The following CUL7 variants were observed in gnomAD, a reference collection of about 807,000 sequenced individuals.
The protein encoded by CUL7 is cullin 7, also known as cullin-7.
In CUL7, 96 loss-of-function variants were observed where a neutral mutation model predicts 177.7. The observed-to-expected ratio is 0.54, with a 90% CI of 0.46 to 0.64. The LOEUF is 0.64. Ranked by LOEUF, CUL7 falls within the 30% of genes least tolerant of loss-of-function variation. The probability of loss-of-function intolerance (pLI) is 0.00; values close to 1 mark genes in which losing one functional copy is unlikely to be tolerated. For synonymous variants in CUL7, 824 were observed against 890.2 expected (o/e 0.93, Z 1.32); for missense variants, 1,893 against 2,187.9 (o/e 0.87, Z 2.69).
chr6:43,051,253 G>A lies in CUL7; in HGVS notation c.948C>T (p.Ala316=). The A allele has an allele frequency of 2.5e-6, 4 of 1,613,402 alleles. No individual in the cohort carries two copies. The highest frequency in any genetic ancestry group is 3.4e-6 in the Non-Finnish European group (4 of 1,179,510). ...GTGCTGAGCTCCTTGGTCTGTCTGA[G>A]GCCTGGTCCCAGCGCATGGCTTGCA... is the stretch of plus-strand genomic sequence containing the variant. ...ELVQAMRWDQ[A]SDRPRSSARS... is the part of the protein sequence containing the mutation. The change falls in exon 4 of 26, where the codon GCC becomes GCT. Residue 316 remains alanine (A), a synonymous_variant. Transcript: ENST00000265348. This position sits in a 1 kb window ranked among gnomAD's most constrained non-coding sequence, Gnocchi z 5.0.
chr6:43,048,701 AG>A (rs1413060244), intron 7 of CUL7, 132 bp from the exon 8 acceptor site: 1 of 672,912 alleles, frequency 1.5e-6, no homozygotes, highest in East Asian at 2.7e-5. Context: ...TCCCCCTAAA[AG>A]TTAGGTTTGG....
rs1763613269 is a variant in CUL7, at chr6:43,043,328, T to C, written c.3355+120A>G. 1.6e-5 allele frequency: 20 copies of C among 1,230,598 alleles called. No individual in the cohort carries two copies. Among genetic ancestry groups the C allele is most frequent in the Non-Finnish European group, 2.4e-5 (20 of 845,278 alleles). 76.2% of individuals were successfully genotyped at this position (1,230,598 alleles called of 1,614,324 possible). Reference sequence around the variant, plus strand: ...ATGGAGGTGACACAAACCTGGAAGATGAACAGGCTGAGCCCATAGGGAGGG... The same window carrying C: ...ATGGAGGTGACACAAACCTGGAAGACGAACAGGCTGAGCCCATAGGGAGGG... On this transcript the variant is annotated intron_variant, in intron 17 of 25. Transcript: ENST00000265348. This position sits in a 1 kb window ranked among gnomAD's most constrained non-coding sequence, Gnocchi z 4.2.
chr6:43,037,870 C>T lies in CUL7; in HGVS notation c.4915G>A (p.Asp1639Asn), dbSNP rs771022229. The T allele has an allele frequency of 2.4e-5, 39 of 1,613,614 alleles. No individual in the cohort carries two copies. The highest frequency in any genetic ancestry group is 5.0e-5 in the Admixed American group (3 of 59,968). ...GCATAGGACAGCACCTGGGGCCGGT[C>T]GTCATGGCGTCTCAGCGTGCCCTTG... The part of the protein sequence containing the change: ...LGKGTLRRHD[D>N]RPQVLSYAVP... The change falls in exon 26 of 26, where the codon GAC becomes AAC. Residue 1639 changes from aspartate to asparagine, a missense_variant. Transcript: ENST00000265348.
Position 43,038,674 on chromosome 6 carries a change from G to A in CUL7, c.4459C>T (p.Leu1487=), listed in dbSNP as rs754548634. ...NDLKAVSVES[L]LAFSGLSADM... ...GCGGAGAGCCCTGAGAACGCCAGCA[G>A]ACTCTCCACAGAGACCGCCTTCAGA... is the stretch of plus-strand genomic sequence containing the variant. The change falls in exon 24 of 26, where the codon CTG becomes TTG. Residue 1487 remains leucine (L), a synonymous_variant. Coordinates refer to ENST00000265348, the MANE Select transcript of CUL7 (RefSeq NM_014780.5). 2 of 1,613,986 alleles carry A rather than the reference G, an allele frequency of 1.2e-6. No individual in the cohort carries two copies. The highest frequency in any genetic ancestry group is 4.5e-5 in the East Asian group (2 of 44,898).
Position 43,044,875 on chromosome 6 carries a change from C to G in CUL7, c.3049G>C (p.Ala1017Pro). The G allele has an allele frequency of 6.2e-7, 1 of 1,613,532 alleles. No individual in the cohort carries two copies. The highest frequency in any genetic ancestry group is 8.5e-7 in the Non-Finnish European group (1 of 1,179,554). Residue 1017 changes from alanine (A) to proline (P), a missense_variant, in exon 16 of 26, where the codon GCT becomes CCT. Transcript: ENST00000265348. ...GCAAAATTCTGCTCCTGGCGCAGAG[C>G]ACCGTTGAGTCTGGGGGTGAGAATG... ...LLHLSSRLNG[A>P]LRQEQNFADR...
At position 43,042,820 on chromosome 6, in the gene CUL7, A is replaced by C. The variant is rs765006955; in HGVS notation, c.3627T>G (p.Pro1209=). The change falls in exon 19 of 26, where the codon CCT becomes CCG. Residue 1209 remains proline (P), a synonymous_variant. Coordinates refer to ENST00000265348, the MANE Select transcript of CUL7 (RefSeq NM_014780.5). ...GGCTTACGTGGGCAGCTTTGAGAAA[A>C]GGGAGCTTCAGCAAGGCTCCCGCAC... is the stretch of plus-strand genomic sequence containing the variant. ...NGCAGALLKL[P]FLKAAHVSEQ... 1 of 1,612,878 alleles carries C rather than the reference A, an allele frequency of 6.2e-7. No individual in the cohort carries two copies. Among genetic ancestry groups the C allele is most frequent in the Admixed American group, 1.7e-5 (1 of 59,964 alleles).
rs1256914448 is a variant in CUL7 at position 43,042,867 on chromosome 6, A to G, written c.3580T>C (p.Leu1194=). 1.9e-5 allele frequency: 30 copies of G among 1,613,944 alleles called. No individual in the cohort carries two copies. Among genetic ancestry groups the G allele is most frequent in the Non-Finnish European group, 2.5e-5 (29 of 1,179,972 alleles). The change falls in exon 19 of 26, where the codon TTG becomes CTG. Residue 1194 remains leucine (L), a synonymous_variant. Transcript: ENST00000265348. ...GCACAGCCATTTTGCAGCGCCAGCA[A>G]GAAGGCTGCCCGAGGCCCAAACAGT... The part of the protein sequence containing the change: ...SELFGPRAAF[L]LALQNGCAGA...
Position 43,045,792 on chromosome 6 carries a change from G to T in CUL7, c.2767-110C>A. ...CCTTCCCCAGCCCTGGGATGTGTAG[G>T]GTCCTGACAAAGCTGTCCTCATGCC... is the stretch of plus-strand genomic sequence containing the variant. On this transcript the variant is annotated intron_variant, in intron 13 of 25. Transcript: ENST00000265348. This position sits in a 1 kb window ranked among gnomAD's most constrained non-coding sequence, Gnocchi z 4.8. 1 of 1,320,758 alleles carries T rather than the reference G, an allele frequency of 7.6e-7. No individual in the cohort carries two copies. 81.8% of individuals were successfully genotyped at this position (1,320,758 alleles called of 1,614,324 possible).
At position 43,043,726 on chromosome 6, in the gene CUL7, C is replaced by T. The variant is rs1220811170; in HGVS notation, c.3173-96G>A. The T allele has an allele frequency of 2.2e-5, 18 of 823,720 alleles. No individual in the cohort carries two copies. The highest frequency in any genetic ancestry group is 4.4e-4 in the Middle Eastern group (2 of 4,526). The allele number at this position is 823,720 out of a possible 1,614,324, so 51.0% of individuals were successfully genotyped here. A position where few individuals can be genotyped will look rare whatever the true frequency, so the allele number is the denominator to read the frequency against. On this transcript the variant is annotated intron_variant, in intron 16 of 25. Coordinates refer to ENST00000265348, the MANE Select transcript of CUL7 (RefSeq NM_014780.5). The surrounding 1 kb of genome is among the most constrained non-coding windows in gnomAD (Gnocchi z 4.2). ...GGAGTGTGGAGATAGAGCAACTGGACGGAATGATACAAGGAAGGGGGGCCA... is the reference window on the plus strand; with the variant it reads ...GGAGTGTGGAGATAGAGCAACTGGATGGAATGATACAAGGAAGGGGGGCCA...
In CUL7 at chr6:43,048,137, G is replaced by A. The variant is rs768605576; in HGVS notation, c.2169+11C>T. On this transcript the variant is annotated intron_variant, in intron 9 of 25. Transcript: ENST00000265348. ...CTCCCCCAGCCTCTCCCCAGAGCAG[G>A]GCAGGGGTACCTCTCGATCAGTGTT... is the stretch of plus-strand genomic sequence containing the variant. 1.9e-6 allele frequency: 3 copies of A among 1,580,604 alleles called. No homozygotes were observed. Among genetic ancestry groups the A allele is most frequent in the East Asian group, 2.2e-5 (1 of 44,564 alleles).
chr6:43,049,345 A>G, intron 7 of CUL7, 62 bp downstream of exon 7: 18 of 1,604,860 alleles, frequency 1.1e-5, no homozygotes, highest in Non-Finnish European at 1.5e-5. Flanking sequence ...ATCAGCACAG[A>G]CATCTCTCCT....
At chr6:43,038,244 C>G (rs1763117664) in intron 25 of CUL7, 23 bp downstream of exon 25, 4 of 1,613,148 alleles carry the variant, frequency 2.5e-6, no homozygotes, top group Non-Finnish European at 3.4e-6. Flanking sequence ...GATCTGTCAC[C>G]CATTGTGCCC....
chr6:43,041,025 C>G lies in CUL7; in HGVS notation c.3696G>C (p.Arg1232=). The G allele has an allele frequency of 6.2e-7, 1 of 1,613,992 alleles. No individual in the cohort carries two copies. Among genetic ancestry groups the G allele is most frequent in the Non-Finnish European group, 8.5e-7 (1 of 1,179,938 alleles). Residue 1232 remains arginine, a synonymous_variant, in exon 20 of 26, where the codon CGG becomes CGC. Transcript: ENST00000265348. ...TCTCCATTTCCTGGGCTCCACCGAT[C>G]CGGCTGCCCTGGATCTGCTGGTCAA... ...RHIDQQIQGS[R]IGGAQEMERL... is the part of the protein sequence containing the mutation.
intron 9 of CUL7, 153 bp downstream of exon 9, chr6:43,047,995 T>TA (rs1056283420): frequency 1.9e-5 from 12 of 620,674 alleles, no homozygotes; most frequent in African/African-American, 1.5e-4. Context: ...ATTACCTATT[T>TA]AAAAAAAATA....
rs113218760 is a variant in CUL7, at chr6:43,039,899, C to T, written c.4294+257G>A. ...GACTACAGGCACACACCACCACACC[C>T]GGCTAATTTCTGTATTTTTAGCAGA... is the stretch of plus-strand genomic sequence containing the variant. On this transcript the variant is annotated intron_variant, in intron 22 of 25. Transcript: ENST00000265348. 0.025 allele frequency among the ~76,000 whole-genome samples: 3,809 copies of T among 151,964 alleles called. 145 individuals carry two copies. Among genetic ancestry groups the T allele is most frequent in the African/African-American group, 0.087 (3,587 of 41,434 alleles).
rs760350095 is a variant in CUL7 at position 43,040,401 on chromosome 6, T to C, written c.4049A>G (p.Glu1350Gly). The C allele has an allele frequency of 1.2e-6, 2 of 1,612,814 alleles. No homozygotes were observed. The highest frequency in any genetic ancestry group is 1.7e-6 in the Non-Finnish European group (2 of 1,180,038). The change falls in exon 22 of 26, where the codon GAG becomes GGG. Residue 1350 changes from glutamate to glycine, a missense_variant. Transcript: ENST00000265348. The surrounding 1 kb of genome is among the most constrained non-coding windows in gnomAD (Gnocchi z 4.2). ...IQVGLGASGK[E>G]HKSEKEEEAG... is the part of the protein sequence containing the mutation. Reference sequence around the variant, plus strand: ...TTCCTCTTCCTTCTCGCTCTTGTGCTCCTTGCCACTGGCCCCAAGGCCCAC... The same window carrying C: ...TTCCTCTTCCTTCTCGCTCTTGTGCCCCTTGCCACTGGCCCCAAGGCCCAC...
intron 25 of CUL7, 105 bp downstream of exon 25, chr6:43,038,160 TAC>T: frequency 6.7e-7 from 1 of 1,498,114 alleles, no homozygotes; most frequent in Non-Finnish European, 9.1e-7. Context: ...TCCTACAGGC[TAC>T]ACAGTGAACC....
chr6:43,050,929 T>G lies in CUL7; in HGVS notation c.1233+39A>C. On this transcript the variant is annotated intron_variant, in intron 4 of 25. Coordinates refer to ENST00000265348, the MANE Select transcript of CUL7 (RefSeq NM_014780.5). The surrounding 1 kb of genome is among the most constrained non-coding windows in gnomAD (Gnocchi z 4.1). The stretch of plus-strand genomic sequence containing the variant: ...AGTCCCAGCTCTGCCCTACCCCAAA[T>G]AGACCCCCAACAGTATCCCACCACC... 6.2e-7 allele frequency: 1 copy of G among 1,611,550 alleles called. No individual in the cohort carries two copies. The highest frequency in any genetic ancestry group is 1.3e-5 in the African/African-American group (1 of 74,946).
chr6:43,043,234 C>A lies in CUL7; in HGVS notation c.3356-54G>T. 6.8e-7 allele frequency: 1 copy of A among 1,462,594 alleles called. No individual in the cohort carries two copies. The highest frequency in any genetic ancestry group is 9.5e-7 in the Non-Finnish European group (1 of 1,048,832). 90.6% of individuals were successfully genotyped at this position (1,462,594 alleles called of 1,614,324 possible). On this transcript the variant is annotated intron_variant, in intron 17 of 25. Transcript: ENST00000265348. This position sits in a 1 kb window ranked among gnomAD's most constrained non-coding sequence, Gnocchi z 4.2. ...AAGGAGGGTGCAGCCCCTCCACTCC[C>A]AAGTCCCCATCCAAGGGGGTTCCCT...
Sources: allele counts gnomAD v4.1 joint callset (sites outside exome capture counted in the v4.1 genomes callset), GRCh38; gene constraint gnomAD v4.1.1; non-coding constraint Gnocchi (gnomAD v3.1); transcripts MANE v1.5; gene names NCBI Gene and HGNC (gene_info 2026-07-23, HGNC 2026-07-21).